The following CAST variants were observed in gnomAD, a reference collection of about 807,000 sequenced individuals.
CAST encodes the protein calpastatin.
A neutral mutation model predicts 119.6 loss-of-function variants in CAST; 76 were observed. That is an observed-to-expected ratio of 0.64 (90% CI 0.53 to 0.77). CAST has a LOEUF of 0.77. CAST is among the 30% of genes least tolerant of loss of function. The pLI, the probability that CAST is intolerant of heterozygous loss-of-function variation, is 0.00. For missense variants in CAST, 953 were observed against 946.5 expected, an observed-to-expected ratio of 1.01 and a Z score of -0.09; for synonymous variants, 319 against 331.6, an observed-to-expected ratio of 0.96 and a Z score of 0.41.
chr5:96,656,833 CTTCT>C (rs1178939278), intron 1 of CAST, among the ~76,000 whole-genome samples: 1 of 152,136 alleles, frequency 6.6e-6, no homozygotes, highest in African/African-American at 2.4e-5. Flanking sequence ...GCTCTTAACT[CTTCT>C]TTCTAGAAAC....
the CAST span, among the ~76,000 whole-genome samples, chr5:95,969,333 T>C: frequency 1.3e-5 from 2 of 152,140 alleles, no homozygotes; most frequent in East Asian, 3.8e-4. Context: ...GACAAAAGTA[T>C]AAGTAATGGA....
chr5:96,750,385 G>A (rs1764752806), intron 19 of CAST, among the ~76,000 whole-genome samples: 1 of 152,054 alleles, frequency 6.6e-6, no homozygotes, highest in South Asian at 2.1e-4. Flanking sequence ...CCTAAGGTGA[G>A]AAGTAAAACC....
the CAST span, among the ~76,000 whole-genome samples, chr5:96,438,031 GATT>G: frequency 6.6e-6 from 1 of 152,162 alleles, no homozygotes; most frequent in Non-Finnish European, 1.5e-5. Flanking sequence ...TTCGAAGGCA[GATT>G]GTTATATCTT....
At position 96,765,956 on chromosome 5, in the gene CAST, T is replaced by G. The variant is rs1769793975; in HGVS notation, c.2038-97T>G. On this transcript the variant is annotated intron_variant, in intron 26 of 31. Transcript: ENST00000675179. ...AAAACAGACCATATGTTTTGCCTCA[T>G]GAAAGTACAACAAATGCTGAATGCT... 2 of 741,034 alleles carry G rather than the reference T, an allele frequency of 2.7e-6. No individual in the cohort carries two copies. Among genetic ancestry groups the G allele is most frequent in the Non-Finnish European group, 4.7e-6 (2 of 424,606 alleles). 45.9% of individuals were successfully genotyped at this position (741,034 alleles called of 1,614,324 possible). A position where few individuals can be genotyped will look rare whatever the true frequency, so the allele number is the denominator to read the frequency against.
At chr5:96,005,054 A>G in the CAST span, among the ~76,000 whole-genome samples, 1 of 152,204 alleles carries the variant, frequency 6.6e-6, no homozygotes, top group African/African-American at 2.4e-5. Context: ...TTTTCATTCT[A>G]GAATTCTATA....
chr5:96,322,828 T>G, the CAST span, among the ~76,000 whole-genome samples: 6 of 152,142 alleles, frequency 3.9e-5, no homozygotes, highest in African/African-American at 1.4e-4. Flanking sequence ...TAAAATGCTT[T>G]CCCCCAACTC....
chr5:96,616,383 G>A (rs898408916), intron 1 of CAST, among the ~76,000 whole-genome samples: 3 of 152,192 alleles, frequency 2.0e-5, no homozygotes, highest in Admixed American at 1.3e-4. Context: ...CTACTGAAGA[G>A]TCAGAGACAG....
chr5:96,747,768 T>C (rs925942885), intron 18 of CAST, among the ~76,000 whole-genome samples: 5 of 152,346 alleles, frequency 3.3e-5, no homozygotes, highest in Middle Eastern at 3.4e-3. Context: ...CAGCAACATT[T>C]ATTAATCGCT....
chr5:96,732,543 A>G (rs1365938285), intron 9 of CAST, among the ~76,000 whole-genome samples: 4 of 147,636 alleles, frequency 2.7e-5, no homozygotes, highest in South Asian at 2.2e-4. Flanking sequence ...TTTTGTTGCC[A>G]TTGCTTTTGG....
At chr5:96,406,306 C>A in the CAST span, among the ~76,000 whole-genome samples, 4 of 152,120 alleles carry the variant, frequency 2.6e-5, no homozygotes, top group African/African-American at 9.7e-5. Context: ...AATTATTTCT[C>A]GGTTAATTTG....
chr5:96,446,558 C>A, the CAST span, among the ~76,000 whole-genome samples: 1 of 152,178 alleles, frequency 6.6e-6, no homozygotes, highest in Non-Finnish European at 1.5e-5. Context: ...GGTTTTAAAC[C>A]AAGAACACAA....
At chr5:96,131,425 A>AC in the CAST span, among the ~76,000 whole-genome samples, 7 of 151,756 alleles carry the variant, frequency 4.6e-5, no homozygotes, top group African/African-American at 1.7e-4. Context: ...TTATACACAC[A>AC]CACACACACA....
chr5:96,475,719 G>T, the CAST span, among the ~76,000 whole-genome samples: 8 of 152,176 alleles, frequency 5.3e-5, no homozygotes, highest in African/African-American at 1.9e-4. Flanking sequence ...TCAGTGAAGG[G>T]ATGTGAATTG....
the CAST span, among the ~76,000 whole-genome samples, chr5:96,496,514 C>T: frequency 6.6e-6 from 1 of 152,314 alleles, no homozygotes; most frequent in African/African-American, 2.4e-5. Flanking sequence ...AGACTCAAAA[C>T]ATTTTGGTCA....
chr5:96,264,966 T>G, the CAST span, among the ~76,000 whole-genome samples: 2 of 152,234 alleles, frequency 1.3e-5, no homozygotes, highest in African/African-American at 4.8e-5. Flanking sequence ...GTTTTTGATT[T>G]AAGGTTATGC....
chr5:95,968,408 G>A, the CAST span, among the ~76,000 whole-genome samples: 2 of 152,144 alleles, frequency 1.3e-5, no homozygotes, highest in South Asian at 2.1e-4. Context: ...GCGCATAGGT[G>A]CCCATTTGAA....
At chr5:96,771,783 C>T (rs1772449797) in intron 31 of CAST, 81 bp downstream of exon 31, 2 of 814,732 alleles carry the variant, frequency 2.5e-6, no homozygotes, top group African/African-American at 3.4e-5. Flanking sequence ...AAGTGAAGTC[C>T]ACCTCTTGAG....
the CAST span, among the ~76,000 whole-genome samples, chr5:96,511,428 C>G: frequency 7.4e-6 from 1 of 135,068 alleles, no homozygotes; most frequent in African/African-American, 2.6e-5. Flanking sequence ...AGGCGTGAGC[C>G]ACTGCACCCC....
the CAST span, among the ~76,000 whole-genome samples, chr5:96,086,824 T>G: frequency 6.6e-6 from 1 of 152,188 alleles, no homozygotes; most frequent in African/African-American, 2.4e-5. Context: ...CTAATCTGCC[T>G]TCAAATTAGT....
Sources: gnomAD v4.1 joint callset for allele counts (sites outside exome capture counted in the v4.1 genomes callset) on GRCh38, gnomAD v4.1.1 for gene constraint, MANE v1.5 for transcripts, NCBI Gene and HGNC (gene_info 2026-07-23, HGNC 2026-07-21) for gene names.